ASGR2: variants seen among roughly 807,000 people sequenced by gnomAD.
ASGR2 encodes asialoglycoprotein receptor 2.
ASGR2 carries 34 observed loss-of-function variants against 32.3 expected under a neutral mutation model. The observed-to-expected ratio is 1.05, with a 90% CI of 0.80 to 1.40. ASGR2 has a LOEUF of 1.40. Ranked by LOEUF, ASGR2 falls within the 40% of genes most tolerant of loss-of-function variation. ASGR2 has a pLI of 0.00. For synonymous variants in ASGR2, 143 were observed against 150.0 expected, an observed-to-expected ratio of 0.95 and a Z score of 0.34; for missense variants, 385 against 386.4, an observed-to-expected ratio of 1.00 and a Z score of 0.03.
At position 7,108,849 on chromosome 17, in the gene ASGR2, G is replaced by C; in HGVS notation, c.164C>G (p.Ser55Cys). ...GGCAAGCAGACTGAAGCAGACCATG[G>C]AGCAGAGACGCTGTGCCAGGGGCTG... Reference protein sequence around the residue: ...PAQPLAQRLCSMVCFSLLALS... With the variant: ...PAQPLAQRLCCMVCFSLLALS... The change falls in exon 3 of 9, where the codon TCC (serine) becomes TGC (cysteine). Residue 55 changes from serine (S) to cysteine (C), a missense_variant. Coordinates refer to ENST00000691900, the MANE Select transcript of ASGR2 (RefSeq NM_001201352.2). The surrounding 1 kb of genome is among the most constrained non-coding windows in gnomAD (Gnocchi z 4.9). 1 of 1,610,028 alleles carries C rather than the reference G, an allele frequency of 6.2e-7. No homozygotes were observed. The highest frequency in any genetic ancestry group is 8.5e-7 in the Non-Finnish European group (1 of 1,178,334).
rs1333628844 is a variant in ASGR2, at chr17:7,108,863, T to C, written c.150A>G (p.Ala50=). 2 of 1,598,212 alleles carry C rather than the reference T, an allele frequency of 1.3e-6. No homozygotes were observed. The highest frequency in any genetic ancestry group is 1.7e-6 in the Non-Finnish European group (2 of 1,172,942). The change falls in exon 3 of 9, where the codon GCA becomes GCG. Residue 50 remains alanine, a synonymous_variant. Coordinates refer to ENST00000691900, the MANE Select transcript of ASGR2 (RefSeq NM_001201352.2). The surrounding 1 kb of genome is among the most constrained non-coding windows in gnomAD (Gnocchi z 4.9). ...LKGPPPAQPL[A]QRLCSMVCFS... ...AGCAGACCATGGAGCAGAGACGCTG[T>C]GCCAGGGGCTGGGCAGGAGGTGGCC...
Position 7,102,137 on chromosome 17 carries a change from A to G in ASGR2, c.708T>C (p.Asp236=). Reference sequence around the variant, plus strand: ...TGCCATCCACCCATTTCCAAGAGCCATCACTGTCCGTGAGACCTATCCAGG... The same window carrying G: ...TGCCATCCACCCATTTCCAAGAGCCGTCACTGTCCGTGAGACCTATCCAGG... ...FNTWIGLTDS[D]GSWKWVDGTD... Residue 236 remains aspartate (D), a synonymous_variant, in exon 8 of 9, where the codon GAT becomes GAC. Coordinates refer to ENST00000691900, the MANE Select transcript of ASGR2 (RefSeq NM_001201352.2). The G allele has an allele frequency of 6.2e-7, 1 of 1,614,212 alleles. No individual in the cohort carries two copies. Among genetic ancestry groups the G allele is most frequent in the Non-Finnish European group, 8.5e-7 (1 of 1,180,024 alleles).
At position 7,113,804 on chromosome 17, in the gene ASGR2, A is replaced by ACC. The variant is rs1915119069; in HGVS notation, c.124+312_124+313insGG. ...ATACACACACACAACATTCACTCACACACACACACAGAGTCCCAGCTGAAT... is the reference window on the plus strand; with the variant it reads ...ATACACACACACAACATTCACTCACACCCACACACACAGAGTCCCAGCTGAAT... On this transcript the variant is annotated intron_variant, in intron 2 of 8. Coordinates refer to ENST00000691900, the MANE Select transcript of ASGR2 (RefSeq NM_001201352.2). This position sits in a 1 kb window ranked among gnomAD's most constrained non-coding sequence, Gnocchi z 5.1. 6.6e-6 allele frequency among the ~76,000 whole-genome samples: 1 copy of ACC among 151,312 alleles called. No homozygotes were observed. Among genetic ancestry groups the ACC allele is most frequent in the South Asian group, 2.1e-4 (1 of 4,808 alleles).
rs1914633359 is a variant in ASGR2, at chr17:7,111,520, G to A, written c.124+2597C>T. Reference sequence around the variant, plus strand: ...AAATACAAAAAATTAGCCAGACGTGGTGGCAGGCGCCTGTAGTCCCAGCTA... The same window carrying A: ...AAATACAAAAAATTAGCCAGACGTGATGGCAGGCGCCTGTAGTCCCAGCTA... On this transcript the variant is annotated intron_variant, in intron 2 of 8. Transcript: ENST00000691900. Among the ~76,000 whole-genome samples the A allele has an allele frequency of 2.0e-5, 3 of 152,066 alleles. No individual in the cohort carries two copies. In the South Asian group the frequency reaches 6.2e-4, roughly 32 times the overall value.
chr17:7,107,617 C>T lies in ASGR2; in HGVS notation c.409+219G>A. On this transcript the variant is annotated intron_variant, in intron 5 of 8. Transcript: ENST00000691900. This position sits in a 1 kb window ranked among gnomAD's most constrained non-coding sequence, Gnocchi z 5.0. ...TCACACACACCACCACACATGCATA[C>T]ACACACAACACACACATATACACCA... 4.5e-6 allele frequency: 3 copies of T among 673,702 alleles called. No homozygotes were observed. In the Admixed American group the frequency reaches 7.0e-5, roughly 16 times the overall value. The allele number at this position is 673,702 out of a possible 1,614,324, so 41.7% of individuals were successfully genotyped here.
In ASGR2 at chr17:7,108,982, C is replaced by CG. The variant is rs1218527405; in HGVS notation, c.125-95dup. On this transcript the variant is annotated intron_variant, in intron 2 of 8. Coordinates refer to ENST00000691900, the MANE Select transcript of ASGR2 (RefSeq NM_001201352.2). This position sits in a 1 kb window ranked among gnomAD's most constrained non-coding sequence, Gnocchi z 4.9. ...GAAGCCTGAGGAGGCATAACCTGGG[C>CG]GGGGGGATTGGTTGGGGCCATGGGG... is the stretch of plus-strand genomic sequence containing the variant. 2.8e-6 allele frequency: 2 copies of CG among 726,596 alleles called. No individual in the cohort carries two copies. Among genetic ancestry groups the CG allele is most frequent in the Non-Finnish European group, 3.8e-6 (2 of 523,604 alleles). The allele number at this position is 726,596 out of a possible 1,614,324, so 45.0% of individuals were successfully genotyped here.
At position 7,114,051 on chromosome 17, in the gene ASGR2, C is replaced by T; in HGVS notation, c.124+66G>A. 6.2e-7 allele frequency: 1 copy of T among 1,601,164 alleles called. No individual in the cohort carries two copies. Among genetic ancestry groups the T allele is most frequent in the East Asian group, 2.2e-5 (1 of 44,800 alleles). On this transcript the variant is annotated intron_variant, in intron 2 of 8. Coordinates refer to ENST00000691900, the MANE Select transcript of ASGR2 (RefSeq NM_001201352.2). This position sits in a 1 kb window ranked among gnomAD's most constrained non-coding sequence, Gnocchi z 4.5. Reference sequence around the variant, plus strand: ...CACAGAGTGGGTGCGGCAGAGACCTCAAAGGGACAGAGCAATCATGAGCTG... The same window carrying T: ...CACAGAGTGGGTGCGGCAGAGACCTTAAAGGGACAGAGCAATCATGAGCTG...
chr17:7,107,461 A>G lies in ASGR2; in HGVS notation c.410-144T>C. The G allele has an allele frequency of 5.0e-6, 4 of 795,168 alleles. No individual in the cohort carries two copies. Among genetic ancestry groups the G allele is most frequent in the Non-Finnish European group, 8.2e-6 (4 of 488,026 alleles). 49.3% of individuals were successfully genotyped at this position (795,168 alleles called of 1,614,324 possible). A position where few individuals can be genotyped will look rare whatever the true frequency, so the allele number is the denominator to read the frequency against. On this transcript the variant is annotated intron_variant, in intron 5 of 8. Coordinates refer to ENST00000691900, the MANE Select transcript of ASGR2 (RefSeq NM_001201352.2). This position sits in a 1 kb window ranked among gnomAD's most constrained non-coding sequence, Gnocchi z 5.0. ...ACACACCATACCACACACACACCAC[A>G]GACATGTACACCACACATAGACCAC...
chr17:7,113,134 C>G lies in ASGR2; in HGVS notation c.124+983G>C, dbSNP rs1223621123. On this transcript the variant is annotated intron_variant, in intron 2 of 8. Transcript: ENST00000691900. This position sits in a 1 kb window ranked among gnomAD's most constrained non-coding sequence, Gnocchi z 5.1. ...TGATCCTGCCACTACACTCCTGTCT[C>G]TAAAAAAAAAATGTCCAAGATACTT... Among the ~76,000 whole-genome samples, 3 of 151,462 alleles carry G rather than the reference C, an allele frequency of 2.0e-5. No individual in the cohort carries two copies. Among genetic ancestry groups the G allele is most frequent in the Non-Finnish European group, 4.4e-5 (3 of 67,902 alleles).
intron 8 of ASGR2, 147 bp downstream of exon 8, chr17:7,101,943 A>G: frequency 9.4e-7 from 1 of 1,069,206 alleles, no homozygotes; most frequent in Non-Finnish European, 1.4e-6. Context: ...AGCCCAGAAG[A>G]GCACAGCTTT....
chr17:7,109,019 T>G, intron 2 of ASGR2, 131 bp from the exon 3 acceptor site: 3 of 860,888 alleles, frequency 3.5e-6, no homozygotes, highest in Non-Finnish European at 3.6e-6. Context: ...GGGGTCATCA[T>G]AGGCTTTGAC....
chr17:7,115,045 C>T (rs1005318039), upstream of ASGR2: 7 of 976,140 alleles, frequency 7.2e-6, no homozygotes, highest in African/African-American at 3.5e-5. This position sits in a 1 kb window ranked among gnomAD's most constrained non-coding sequence, Gnocchi z 4.2. Flanking sequence ...TTCCTGCCTC[C>T]GAATTTACCA....
In ASGR2 at chr17:7,107,343, G is replaced by T; in HGVS notation, c.410-26C>A. 1 of 1,607,410 alleles carries T rather than the reference G, an allele frequency of 6.2e-7. No individual in the cohort carries two copies. On this transcript the variant is annotated intron_variant, in intron 5 of 8. Transcript: ENST00000691900. The surrounding 1 kb of genome is among the most constrained non-coding windows in gnomAD (Gnocchi z 5.0). ...CTAGGACAGACAGGCTGAAAGTGCT[G>T]CCGGCAGGTGTGGTCCCCACCTGCT... is the stretch of plus-strand genomic sequence containing the variant.
intron 7 of ASGR2, among the ~76,000 whole-genome samples, chr17:7,104,708 G>A (rs1913388881): frequency 6.6e-6 from 1 of 151,396 alleles, no homozygotes; most frequent in Non-Finnish European, 1.5e-5. Flanking sequence ...CGGGCGTGGT[G>A]GCTCACACCT....
intron 2 of ASGR2, among the ~76,000 whole-genome samples, chr17:7,109,495 C>A (rs1353855118): frequency 2.6e-5 from 4 of 152,090 alleles, no homozygotes; most frequent in African/African-American, 7.2e-5. Flanking sequence ...CCTCCAGGTC[C>A]CACCTGTTGT....
Position 7,107,384 on chromosome 17 carries a change from G to T in ASGR2, c.410-67C>A, listed in dbSNP as rs1173948325. The T allele has an allele frequency of 1.4e-5, 21 of 1,537,788 alleles. No individual in the cohort carries two copies. The highest frequency in any genetic ancestry group is 1.9e-5 in the Non-Finnish European group (21 of 1,130,056). On this transcript the variant is annotated intron_variant, in intron 5 of 8. Coordinates refer to ENST00000691900, the MANE Select transcript of ASGR2 (RefSeq NM_001201352.2). The surrounding 1 kb of genome is among the most constrained non-coding windows in gnomAD (Gnocchi z 5.0). The stretch of plus-strand genomic sequence containing the variant: ...CCCACCTGCTAGGCTCCAGCCTGTG[G>T]CTGGGGAAGCATATACACCCACAGA...
In ASGR2 at chr17:7,107,972, CG is replaced by C; in HGVS notation, c.338-66del. On this transcript the variant is annotated intron_variant, in intron 4 of 8. Transcript: ENST00000691900. The surrounding 1 kb of genome is among the most constrained non-coding windows in gnomAD (Gnocchi z 5.0). ...CTCCGTCCTCATGCTGCTGGGGGACCGGGGGCCAGCGCCTCGTCCTGGGCGA... is the reference window on the plus strand; with the variant it reads ...CTCCGTCCTCATGCTGCTGGGGGACCGGGGCCAGCGCCTCGTCCTGGGCGA... 5.1e-6 allele frequency: 8 copies of C among 1,581,052 alleles called. No homozygotes were observed. The highest frequency in any genetic ancestry group is 2.6e-6 in the Non-Finnish European group (3 of 1,159,180).
chr17:7,101,809 C>T, intron 8 of ASGR2, 69 bp from the exon 9 acceptor site: 1 of 1,557,038 alleles, frequency 6.4e-7, no homozygotes. Flanking sequence ...TCCTCCTCCT[C>T]TTCATGACCA....
In ASGR2 at chr17:7,102,110, T is replaced by C; in HGVS notation, c.735A>G (p.Thr245=). 1 of 1,614,096 alleles carries C rather than the reference T, an allele frequency of 6.2e-7. No individual in the cohort carries two copies. The highest frequency in any genetic ancestry group is 8.5e-7 in the Non-Finnish European group (1 of 1,179,928). Residue 245 remains threonine (T), a synonymous_variant, in exon 8 of 9, where the codon ACA becomes ACG. Coordinates refer to ENST00000691900, the MANE Select transcript of ASGR2 (RefSeq NM_001201352.2). ...SDGSWKWVDG[T]DYRHNYKNWA... ...CTTACTTGTAGTTGTGCCTATAGTC[T>C]GTGCCATCCACCCATTTCCAAGAGC...
Sources: allele counts gnomAD v4.1 joint callset (sites outside exome capture counted in the v4.1 genomes callset), GRCh38; gene constraint gnomAD v4.1.1; non-coding constraint Gnocchi (gnomAD v3.1); transcripts MANE v1.5; gene names NCBI Gene and HGNC (gene_info 2026-07-23, HGNC 2026-07-21).